DMD: variants seen among roughly 807,000 people sequenced by gnomAD.
DMD encodes the protein mutant dystrophin.
Under a neutral mutation model 330.1 loss-of-function variants are expected in DMD, and 63 were observed. The observed-to-expected ratio is 0.19, with a 90% confidence interval of 0.16 to 0.24. The LOEUF (loss-of-function observed/expected upper bound fraction) is 0.24, where lower values mean the gene tolerates loss of function less well. Among genes scored for constraint, DMD ranks in the 10% least tolerant of loss-of-function variants. DMD has a pLI of 1.00. For synonymous variants in DMD, 1,223 were observed against 959.8 expected (o/e 1.27, Z -5.07); for missense variants, 3,344 against 2,684.1 (o/e 1.25, Z -5.43).
At chrX:32,298,503 T>A (rs2097506882) in intron 42 of DMD, among the ~76,000 whole-genome samples, 2 of 91,100 alleles carry the variant, frequency 2.2e-5, no homozygotes, top group Admixed American at 2.4e-4. Context: ...TCTAAGTGAA[T>A]ATATAAAAGG....
intron 30 of DMD, among the ~76,000 whole-genome samples, chrX:32,405,793 G>T (rs1281950617): frequency 8.1e-5 from 9 of 111,530 alleles, no homozygotes; most frequent in East Asian, 2.8e-4. Context: ...CTGAAGAAAG[G>T]CATTGGTAGC....
chrX:32,571,264 G>C (rs1173292275), intron 15 of DMD, among the ~76,000 whole-genome samples: 1 of 112,014 alleles, frequency 8.9e-6, no homozygotes, highest in African/African-American at 3.2e-5. Flanking sequence ...TGCCTGAGAA[G>C]AACAATGTTT....
intron 34 of DMD, among the ~76,000 whole-genome samples, chrX:32,378,660 A>AT (rs1428468727): frequency 9.0e-6 from 1 of 111,173 alleles, no homozygotes; most frequent in African/African-American, 3.2e-5. Context: ...TTGTCTAAAA[A>AT]TTTTTTAAAA....
chrX:32,156,852 C>A (rs908920630), intron 44 of DMD, among the ~76,000 whole-genome samples: 3 of 111,412 alleles, frequency 2.7e-5, no homozygotes, highest in East Asian at 2.8e-4. Flanking sequence ...GGCATGGAAC[C>A]AAGCCCAGAG....
At position 32,412,161 on chromosome X, in the gene DMD, C is replaced by A; in HGVS notation, c.4072-248G>T. The A allele has an allele frequency of 8.9e-7, 1 of 1,125,025 alleles. No homozygotes were observed. Among genetic ancestry groups the A allele is most frequent in the South Asian group, 1.9e-5 (1 of 53,728 alleles). 92.7% of individuals were successfully genotyped at this position (1,125,025 alleles called of 1,213,427 possible). A position where few individuals can be genotyped will look rare whatever the true frequency, so the allele number is the denominator to read the frequency against. ...TGAAAATCAATCACAATATCACGTA[C>A]ATTAAGGAAATAGGCTGGAAAAAAA... On this transcript the variant is annotated intron_variant, in intron 29 of 78. Coordinates refer to ENST00000357033, the MANE Select transcript of DMD (RefSeq NM_004006.3).
At chrX:31,343,130 C>A (rs1180021526) in intron 61 of DMD, among the ~76,000 whole-genome samples, 1 of 111,666 alleles carries the variant, frequency 9.0e-6, no homozygotes, top group African/African-American at 3.3e-5. Flanking sequence ...CTATGCCAAC[C>A]AATGAATACT....
intron 53 of DMD, among the ~76,000 whole-genome samples, chrX:31,671,103 G>A (rs1251340595): frequency 1.8e-5 from 2 of 111,005 alleles, no homozygotes; most frequent in Non-Finnish European, 3.8e-5. Flanking sequence ...TAGCAGAGAC[G>A]GGGTTTTACC....
At chrX:32,723,138 T>C (rs1355312197) in intron 7 of DMD, among the ~76,000 whole-genome samples, 1 of 111,616 alleles carries the variant, frequency 9.0e-6, no homozygotes, top group Non-Finnish European at 1.9e-5. Flanking sequence ...GTTATAATAA[T>C]AAAAGGATGT....
chrX:32,873,974 T>TGTTAGTCAA (rs1400926885), intron 2 of DMD, among the ~76,000 whole-genome samples: 1 of 111,954 alleles, frequency 8.9e-6, no homozygotes, highest in African/African-American at 3.2e-5. Context: ...CCTCTGAAGA[T>TGTTAGTCAA]GTTAGTCAAG....
chrX:31,574,733 T>C (rs768410798), intron 55 of DMD, among the ~76,000 whole-genome samples: 2 of 111,657 alleles, frequency 1.8e-5, no homozygotes, highest in East Asian at 5.7e-4. Context: ...AACCCTCTAT[T>C]TGATGTCTCT....
chrX:33,304,419 G>A (rs1472079583), intron 1 of DMD, among the ~76,000 whole-genome samples: 2 of 110,986 alleles, frequency 1.8e-5, no homozygotes, highest in Admixed American at 1.9e-4. Flanking sequence ...ATTAATTCAA[G>A]ATGGATTAAA....
intron 52 of DMD, among the ~76,000 whole-genome samples, chrX:31,706,316 CA>C (rs372707608): frequency 1.9e-3 from 201 of 103,903 alleles, no homozygotes; most frequent in African/African-American, 6.4e-3. Flanking sequence ...TTAAAATTTA[CA>C]AAAAAAAAAT....
At chrX:32,069,193 A>T (rs1478904222) in intron 44 of DMD, among the ~76,000 whole-genome samples, 6 of 111,441 alleles carry the variant, frequency 5.4e-5, no homozygotes, top group African/African-American at 9.8e-5. Flanking sequence ...AGTGTTTCAG[A>T]TGGTGGATAT....
intron 9 of DMD, among the ~76,000 whole-genome samples, chrX:32,654,940 G>T (rs1009012738): frequency 3.6e-5 from 4 of 111,944 alleles, no homozygotes; most frequent in African/African-American, 1.3e-4. Flanking sequence ...TTGCGTAGAG[G>T]TGTTTACAGT....
intron 2 of DMD, among the ~76,000 whole-genome samples, chrX:32,966,688 G>A (rs893754770): frequency 4.5e-5 from 5 of 111,647 alleles, no homozygotes; most frequent in African/African-American, 1.6e-4. Flanking sequence ...ACTGACAGTG[G>A]TCTAGGGCAC....
At chrX:32,738,276 T>A (rs779067196) in intron 7 of DMD, among the ~76,000 whole-genome samples, 43 of 111,053 alleles carry the variant, frequency 3.9e-4, no homozygotes, top group African/African-American at 1.4e-3. Context: ...GCTTTTAAAA[T>A]CATCACTCCC....
At chrX:32,518,746 G>A (rs1266659691) in intron 17 of DMD, among the ~76,000 whole-genome samples, 1 of 110,703 alleles carries the variant, frequency 9.0e-6, no homozygotes, top group Non-Finnish European at 1.9e-5. Flanking sequence ...CATGTGAAGA[G>A]GCCACATGAA....
intron 53 of DMD, among the ~76,000 whole-genome samples, chrX:31,658,882 G>T (rs1041671023): frequency 3.6e-5 from 4 of 111,696 alleles, no homozygotes; most frequent in African/African-American, 1.3e-4. Context: ...AAACATTTCT[G>T]CAAGTGCAGA....
chrX:31,844,094 C>T lies in DMD; in HGVS notation c.7099-7275G>A, dbSNP rs777327382. Among the ~76,000 whole-genome samples, 4 of 111,700 alleles carry T rather than the reference C, an allele frequency of 3.6e-5. No individual in the cohort carries two copies. In the South Asian group the frequency reaches 1.5e-3, roughly 42 times the overall value. ...CAGGATGGTGTCAATCTCCTGACCT[C>T]GTGATCCACCTGCTTCAGCCTCCCA... On this transcript the variant is annotated intron_variant, in intron 48 of 78. Transcript: ENST00000357033.
Sources: allele counts gnomAD v4.1 joint callset (sites outside exome capture counted in the v4.1 genomes callset), GRCh38; gene constraint gnomAD v4.1.1; transcripts MANE v1.5; gene names NCBI Gene and HGNC (gene_info 2026-07-23, HGNC 2026-07-21).